PAIP1: variants seen among roughly 807,000 people sequenced by gnomAD.
The protein encoded by PAIP1 is poly(A) binding protein interacting protein 1.
A neutral mutation model predicts 61.3 loss-of-function variants in PAIP1; 16 were observed. The observed-to-expected ratio is 0.26, with a 90% CI of 0.18 to 0.40. The LOEUF is 0.40. Among genes scored for constraint, PAIP1 ranks in the 10% least tolerant of loss-of-function variants. The pLI, the probability that PAIP1 is intolerant of heterozygous loss-of-function variation, is 1.00. For synonymous variants in PAIP1, 187 were observed against 226.2 expected (o/e 0.83, Z 1.56); for missense variants, 416 against 600.9 (o/e 0.69, Z 3.22).
At position 43,547,042 on chromosome 5, in the gene PAIP1, C is replaced by CAAAAAAAAAAAAAAA; in HGVS notation, c.621+671_621+685dup. ...TGGGAGACAGGGCAAGACTCCATAT[C>CAAAAAAAAAAAAAAA]AAAAAAAAAAAAAAAAAAAAAAAAA... On this transcript the variant is annotated intron_variant, in intron 3 of 10. Transcript: ENST00000306846. 5.6e-4 allele frequency among the ~76,000 whole-genome samples: 20 copies of CAAAAAAAAAAAAAAA among 35,666 alleles called. 4 individuals are homozygous for CAAAAAAAAAAAAAAA. Among genetic ancestry groups the CAAAAAAAAAAAAAAA allele is most frequent in the African/African-American group, 1.2e-3 (9 of 7,308 alleles). The allele number at this position is 35,666 out of a possible 152,430, so 23.4% of individuals were successfully genotyped here.
At chr5:43,536,503 GCAAAAA>G (rs1747162123) in intron 6 of PAIP1, among the ~76,000 whole-genome samples, 1 of 152,014 alleles carries the variant, frequency 6.6e-6, no homozygotes, top group African/African-American at 2.4e-5. Context: ...TCATTAGGTG[GCAAAAA>G]CAAAAACAAA....
rs1376473707 is a variant in PAIP1 at position 43,547,723 on chromosome 5, C to G, written c.621+5G>C. Reference sequence around the variant, plus strand: ...AAGGTCACTGCATGCTATAAGCCAACATACCTGTTGATAGATGAGTTCCAC... The same window carrying G: ...AAGGTCACTGCATGCTATAAGCCAAGATACCTGTTGATAGATGAGTTCCAC... On this transcript the variant is annotated splice_donor_5th_base_variant and intron_variant, in intron 3 of 10. Transcript: ENST00000306846. The G allele has an allele frequency of 1.9e-6, 3 of 1,598,200 alleles. No homozygotes were observed. In the South Asian group the frequency reaches 3.3e-5, roughly 18 times the overall value.
chr5:43,552,762 G>A (rs1747913051), intron 2 of PAIP1, among the ~76,000 whole-genome samples: 1 of 152,188 alleles, frequency 6.6e-6, no homozygotes, highest in Non-Finnish European at 1.5e-5. Context: ...ATGGGAGGGA[G>A]CTTCTGATAG....
Position 43,533,738 on chromosome 5 carries a change from C to G in PAIP1, c.1252G>C (p.Asp418His). ...DGVPFTAADP[D>H]YQEKYQELLE... ...AGGGAATGACTGTGAGACAACATAC[C>G]TGGATCAGCTGCAGTGAAAGGAACA... The change falls in exon 9 of 11, where the codon GAT (aspartate) becomes CAT (histidine). Residue 418 changes from aspartate to histidine, a missense_variant and splice_region_variant. Around this residue, in one of 4 missense-constraint regions of PAIP1, gnomAD observed 135 missense variants for 283.9 expected, o/e 0.48. Transcript: ENST00000306846. 1 of 1,581,840 alleles carries G rather than the reference C, an allele frequency of 6.3e-7. No individual in the cohort carries two copies. The highest frequency in any genetic ancestry group is 8.7e-7 in the Non-Finnish European group (1 of 1,150,678).
intron 3 of PAIP1, among the ~76,000 whole-genome samples, chr5:43,545,372 G>A (rs575435575): frequency 3.9e-5 from 6 of 152,238 alleles, no homozygotes; most frequent in East Asian, 1.9e-4. Flanking sequence ...GTCTTCATCC[G>A]TGGCATAACT....
intron 9 of PAIP1, among the ~76,000 whole-genome samples, chr5:43,532,688 T>C (rs1746988131): frequency 6.6e-6 from 1 of 152,164 alleles, no homozygotes. Flanking sequence ...AGGCAAATAC[T>C]GAGAGAAAGA....
At chr5:43,542,842 G>A (rs557248942) in intron 4 of PAIP1, among the ~76,000 whole-genome samples, 162 bp downstream of exon 4, 158 of 152,252 alleles carry the variant, frequency 1.0e-3, no homozygotes, top group African/African-American at 3.7e-3. Context: ...GACCATTACA[G>A]AAAAAAGACT....
At chr5:43,528,693 A>G (rs1746802529) in intron 10 of PAIP1, among the ~76,000 whole-genome samples, 1 of 152,136 alleles carries the variant, frequency 6.6e-6, no homozygotes, top group Non-Finnish European at 1.5e-5. Context: ...ATATCACTAG[A>G]ATAAAAGTGG....
At chr5:43,533,923 C>T in intron 8 of PAIP1, 131 bp from the exon 9 acceptor site, 2 of 649,812 alleles carry the variant, frequency 3.1e-6, no homozygotes, top group South Asian at 3.7e-5. Context: ...AACCTAACTT[C>T]CTGGTAGCCA....
At position 43,552,915 on chromosome 5, in the gene PAIP1, GT is replaced by G. The variant is rs144590360; in HGVS notation, c.435+2914del. Among the ~76,000 whole-genome samples, 712 of 152,234 alleles carry G rather than the reference GT, an allele frequency of 4.7e-3. 5 individuals are homozygous for G. Among genetic ancestry groups the G allele is most frequent in the African/African-American group, 0.015 (640 of 41,532 alleles). ...CGGAAGAACATCAGTCACAAAAATA[GT>G]ATCAATACAATTAGGGAGATCAGAC... On this transcript the variant is annotated intron_variant, in intron 2 of 10. Coordinates refer to ENST00000306846, the MANE Select transcript of PAIP1 (RefSeq NM_006451.5).
intron 2 of PAIP1, among the ~76,000 whole-genome samples, chr5:43,552,489 G>A (rs1356855178): frequency 6.6e-6 from 1 of 152,114 alleles, no homozygotes. Flanking sequence ...TAGCAAAGGA[G>A]GTAATAAAAT....
intron 2 of PAIP1, among the ~76,000 whole-genome samples, chr5:43,553,897 T>A (rs1042272306): frequency 6.6e-6 from 1 of 152,212 alleles, no homozygotes; most frequent in Non-Finnish European, 1.5e-5. Context: ...CCAGATTTTA[T>A]GACAAACCAG....
rs1037469776 is a variant in PAIP1 at position 43,535,056 on chromosome 5, T to C, written c.1080-86A>G. On this transcript the variant is annotated intron_variant, in intron 7 of 10. Coordinates refer to ENST00000306846, the MANE Select transcript of PAIP1 (RefSeq NM_006451.5). ...TATCTCAGATTCCCAAAACTTTATT[T>C]CCTTAATTTAACAGGTACATCTGAT... The C allele has an allele frequency of 4.8e-5, 36 of 755,176 alleles. No individual in the cohort carries two copies. In the Admixed American group the frequency reaches 6.7e-4, roughly 14 times the overall value. 46.8% of individuals were successfully genotyped at this position (755,176 alleles called of 1,614,324 possible). A position where few individuals can be genotyped will look rare whatever the true frequency, so the allele number is the denominator to read the frequency against.
chr5:43,534,131 A>AAC (rs1328635959), intron 8 of PAIP1, among the ~76,000 whole-genome samples: 3 of 152,162 alleles, frequency 2.0e-5, no homozygotes, highest in African/African-American at 7.2e-5. Context: ...GGGCTGGAGG[A>AAC]ACATTTCTCC....
chr5:43,538,371 G>A (rs1006530310), intron 5 of PAIP1, among the ~76,000 whole-genome samples: 4 of 152,020 alleles, frequency 2.6e-5, no homozygotes, highest in Non-Finnish European at 5.9e-5. Flanking sequence ...AGTATGTCAA[G>A]TAATGCATAT....
intron 10 of PAIP1, among the ~76,000 whole-genome samples, chr5:43,529,191 C>T (rs895340291): frequency 2.7e-5 from 4 of 148,620 alleles, no homozygotes; most frequent in African/African-American, 7.4e-5. Flanking sequence ...AGAAGCAGAA[C>T]AGAAGTTGCC....
At chr5:43,551,836 T>G (rs1326094231) in intron 2 of PAIP1, among the ~76,000 whole-genome samples, 1 of 151,420 alleles carries the variant, frequency 6.6e-6, no homozygotes, top group Non-Finnish European at 1.5e-5. Context: ...CTGCTCTGAA[T>G]ATAGCAGAAC....
chr5:43,547,715 TA>T lies in PAIP1; in HGVS notation c.621+12del. 1.3e-6 allele frequency: 2 copies of T among 1,586,316 alleles called. No individual in the cohort carries two copies. Among genetic ancestry groups the T allele is most frequent in the Non-Finnish European group, 1.7e-6 (2 of 1,161,102 alleles). ...GCTATCTGAAGGTCACTGCATGCTATAAGCCAACATACCTGTTGATAGATGA... is the reference window on the plus strand; with the variant it reads ...GCTATCTGAAGGTCACTGCATGCTATAGCCAACATACCTGTTGATAGATGA... On this transcript the variant is annotated intron_variant, in intron 3 of 10. Coordinates refer to ENST00000306846, the MANE Select transcript of PAIP1 (RefSeq NM_006451.5).
intron 2 of PAIP1, among the ~76,000 whole-genome samples, chr5:43,549,843 C>G (rs1747794592): frequency 6.6e-6 from 1 of 152,122 alleles, no homozygotes; most frequent in Non-Finnish European, 1.5e-5. Context: ...CCTCAGCCTC[C>G]CAGAGTAGCT....
Sources: gnomAD v4.1 joint callset for allele counts (sites outside exome capture counted in the v4.1 genomes callset) on GRCh38, gnomAD v4.1.1 for gene constraint, gnomAD v4.1.1 regional missense constraint, MANE v1.5 for transcripts, NCBI Gene and HGNC (gene_info 2026-07-23, HGNC 2026-07-21) for gene names.